Variants in RASA3 observed in about 807,000 individuals in gnomAD.
RASA3 encodes ras GTPase-activating protein 3.
A neutral mutation model predicts 110.0 loss-of-function variants in RASA3; 73 were observed. The ratio of observed to expected loss-of-function variants is 0.66; its 90% CI spans 0.55 to 0.81. The LOEUF is 0.81. RASA3 is among the 30% of genes least tolerant of loss of function. RASA3 has a pLI of 0.00. For missense variants in RASA3, 976 were observed against 1,113.2 expected, an observed-to-expected ratio of 0.88 and a Z score of 1.75; for synonymous variants, 500 against 451.4, an observed-to-expected ratio of 1.11 and a Z score of -1.37.
chr13:114,011,756 C>G lies in RASA3; in HGVS notation c.1513-508G>C, dbSNP rs1416878205. Among the ~76,000 whole-genome samples the G allele has an allele frequency of 6.6e-6, 1 of 152,084 alleles. No homozygotes were observed. The highest frequency in any genetic ancestry group is 1.5e-5 in the Non-Finnish European group (1 of 68,016). On this transcript the variant is annotated intron_variant, in intron 15 of 23. Transcript: ENST00000334062. This position sits in a 1 kb window ranked among gnomAD's most constrained non-coding sequence, Gnocchi z 4.8. ...TGGCCAACATGGTAAAACCCCATCTCTAATAAAAATACAAAATTAGCTGGG... is the reference window on the plus strand; with the variant it reads ...TGGCCAACATGGTAAAACCCCATCTGTAATAAAAATACAAAATTAGCTGGG...
chr13:114,032,185 A>G (rs1461811331), intron 4 of RASA3, among the ~76,000 whole-genome samples: 1 of 152,150 alleles, frequency 6.6e-6, no homozygotes, highest in Non-Finnish European at 1.5e-5. Context: ...CTACCAACAC[A>G]GACCACAAAT....
chr13:114,057,414 A>G lies in RASA3; in HGVS notation c.174-5259T>C. 1.0e-6 allele frequency: 1 copy of G among 985,392 alleles called. No individual in the cohort carries two copies. Among genetic ancestry groups the G allele is most frequent in the Non-Finnish European group, 1.2e-6 (1 of 829,922 alleles). The allele number at this position is 985,392 out of a possible 1,614,324, so 61.0% of individuals were successfully genotyped here. A position where few individuals can be genotyped will look rare whatever the true frequency, so the allele number is the denominator to read the frequency against. On this transcript the variant is annotated intron_variant, in intron 2 of 23. Transcript: ENST00000334062. This position sits in a 1 kb window ranked among gnomAD's most constrained non-coding sequence, Gnocchi z 5.0. ...GGGTCCGGAGAGGCGGCCGTGCTAC[A>G]GGCCTTGCACTCATTTTAATGAAGG...
At chr13:114,034,811 G>A (rs932089157) in intron 4 of RASA3, among the ~76,000 whole-genome samples, 1 of 152,246 alleles carries the variant, frequency 6.6e-6, no homozygotes, top group African/African-American at 2.4e-5. Context: ...CAAAATCAGT[G>A]GGATGAAGCG....
At chr13:113,989,105 G>A (rs551214375) in intron 22 of RASA3, among the ~76,000 whole-genome samples, 82 of 124,440 alleles carry the variant, frequency 6.6e-4, no homozygotes, top group Non-Finnish European at 8.4e-4. Flanking sequence ...TCACCCATCT[G>A]TCCATCACCA....
At chr13:114,055,332 C>T (rs1000139018) in intron 2 of RASA3, among the ~76,000 whole-genome samples, 11 of 152,212 alleles carry the variant, frequency 7.2e-5, no homozygotes, top group South Asian at 4.1e-4. Flanking sequence ...CATAACAAGG[C>T]GCAGGGGTCG....
At chr13:114,027,510 C>T in intron 6 of RASA3, 49 bp from the exon 7 acceptor site, 6 of 1,423,474 alleles carry the variant, frequency 4.2e-6, no homozygotes, top group Non-Finnish European at 5.9e-6. Context: ...CTGCTGATTC[C>T]AAGTCTCTCA....
At chr13:113,993,113 T>C (rs943009050) in intron 21 of RASA3, among the ~76,000 whole-genome samples, 6 of 152,148 alleles carry the variant, frequency 3.9e-5, no homozygotes, top group Non-Finnish European at 7.3e-5. Flanking sequence ...ACTCCAGACC[T>C]CATGTGGTTT....
At chr13:114,054,407 A>C in intron 2 of RASA3, among the ~76,000 whole-genome samples, 1 of 151,344 alleles carries the variant, frequency 6.6e-6, no homozygotes, top group East Asian at 1.9e-4. Flanking sequence ...ATAAGCCCAA[A>C]CCTGGGGCGG....
At chr13:114,012,491 C>T (rs2053655945) in intron 15 of RASA3, among the ~76,000 whole-genome samples, 2 of 149,740 alleles carry the variant, frequency 1.3e-5, no homozygotes. Context: ...CAAACGCACT[C>T]CCCACTCACT....
intron 1 of RASA3, among the ~76,000 whole-genome samples, chr13:114,098,523 C>T (rs2079977073): frequency 2.0e-5 from 3 of 152,134 alleles, no homozygotes; most frequent in Admixed American, 2.0e-4. Flanking sequence ...AGCAGGGCTG[C>T]AGCCCTGAGA....
At position 114,033,441 on chromosome 13, in the gene RASA3, C is replaced by T. The variant is rs111164486; in HGVS notation, c.373-3554G>A. 1.5e-3 allele frequency among the ~76,000 whole-genome samples: 25 copies of T among 16,938 alleles called. 1 individual carries two copies. Among genetic ancestry groups the T allele is most frequent in the Middle Eastern group, 0.17 (1 of 6 alleles). 11.1% of individuals were successfully genotyped at this position (16,938 alleles called of 152,430 possible). A position where few individuals can be genotyped will look rare whatever the true frequency, so the allele number is the denominator to read the frequency against. The stretch of plus-strand genomic sequence containing the variant: ...CCACGGCACCCCCACACTGACACCA[C>T]GCCCCACGGCACCCCCACACTGACA... On this transcript the variant is annotated intron_variant, in intron 4 of 23. Coordinates refer to ENST00000334062, the MANE Select transcript of RASA3 (RefSeq NM_007368.4).
chr13:114,013,991 T>C (rs1313238757), intron 14 of RASA3, among the ~76,000 whole-genome samples: 1 of 143,816 alleles, frequency 7.0e-6, no homozygotes, highest in Non-Finnish European at 1.5e-5. Flanking sequence ...TCTCTCTCCA[T>C]CTCTCTCCGT....
chr13:114,121,156 A>C (rs1182173851), intron 1 of RASA3, among the ~76,000 whole-genome samples: 1 of 152,230 alleles, frequency 6.6e-6, no homozygotes, highest in Non-Finnish European at 1.5e-5. Flanking sequence ...GCCAGAAAAG[A>C]TCCCAAGTTG....
At chr13:113,992,244 A>C (rs1252561126) in intron 22 of RASA3, among the ~76,000 whole-genome samples, 5 of 152,276 alleles carry the variant, frequency 3.3e-5, no homozygotes, top group Admixed American at 6.5e-5. Flanking sequence ...TACAGAGGTT[A>C]CAAGTTAAAT....
rs138054843 is a variant in RASA3 at position 114,015,264 on chromosome 13, G to A, written c.1350C>T (p.Thr450=). The change falls in exon 14 of 24, where the codon ACC becomes ACT. Residue 450 remains threonine (T), a synonymous_variant. Coordinates refer to ENST00000334062, the MANE Select transcript of RASA3 (RefSeq NM_007368.4). ...GGGAGAAGAAGATGTCACACATGACGGTCGGGCAGCTCACCCCAGACTCAG... is the reference window on the plus strand; with the variant it reads ...GGGAGAAGAAGATGTCACACATGACAGTCGGGCAGCTCACCCCAGACTCAG... ...AITESGVSCP[T]VMCDIFFSLR... 1.4e-4 allele frequency: 229 copies of A among 1,613,230 alleles called. No homozygotes were observed. In the African/African-American group the frequency reaches 2.6e-3, roughly 19 times the overall value.
Position 114,115,784 on chromosome 13 carries a change from C to T in RASA3, c.55+16651G>A, listed in dbSNP as rs1344224338. Among the ~76,000 whole-genome samples, 1 of 152,224 alleles carries T rather than the reference C, an allele frequency of 6.6e-6. No individual in the cohort carries two copies. Among genetic ancestry groups the T allele is most frequent in the Admixed American group, 6.5e-5 (1 of 15,282 alleles). Reference sequence around the variant, plus strand: ...AGCCTGGAATGATGAGGAGCCCCCACGCCTTCTCAGTCTCCTGTAACGACG... The same window carrying T: ...AGCCTGGAATGATGAGGAGCCCCCATGCCTTCTCAGTCTCCTGTAACGACG... On this transcript the variant is annotated intron_variant, in intron 1 of 23. Transcript: ENST00000334062. The surrounding 1 kb of genome is among the most constrained non-coding windows in gnomAD (Gnocchi z 5.0).
intron 2 of RASA3, among the ~76,000 whole-genome samples, chr13:114,062,713 C>T (rs762942593): frequency 2.6e-5 from 4 of 152,198 alleles, no homozygotes; most frequent in Admixed American, 6.5e-5. Context: ...AGCCCACGTT[C>T]GCACGCAGAC....
Position 114,062,506 on chromosome 13 carries a change from C to T in RASA3, c.174-10351G>A, listed in dbSNP as rs114385211. 8.1e-3 allele frequency among the ~76,000 whole-genome samples: 1,239 copies of T among 152,246 alleles called. 23 individuals carry two copies. Among genetic ancestry groups the T allele is most frequent in the African/African-American group, 0.028 (1,166 of 41,510 alleles). ...CGTTCAACACACAGTCGCCACGGGACACAGTGGTTCCACCCCCAGGTGTGC... is the reference window on the plus strand; with the variant it reads ...CGTTCAACACACAGTCGCCACGGGATACAGTGGTTCCACCCCCAGGTGTGC... On this transcript the variant is annotated intron_variant, in intron 2 of 23. Coordinates refer to ENST00000334062, the MANE Select transcript of RASA3 (RefSeq NM_007368.4).
At chr13:114,070,381 T>C (rs2139658384) in intron 2 of RASA3, among the ~76,000 whole-genome samples, 1 of 152,160 alleles carries the variant, frequency 6.6e-6, no homozygotes, top group East Asian at 1.9e-4. Flanking sequence ...CAATGACTAA[T>C]ACAGGACTCT....
Sources: allele counts gnomAD v4.1 joint callset (sites outside exome capture counted in the v4.1 genomes callset), GRCh38; gene constraint gnomAD v4.1.1; non-coding constraint Gnocchi (gnomAD v3.1); transcripts MANE v1.5; gene names NCBI Gene and HGNC (gene_info 2026-07-23, HGNC 2026-07-21).